The following RASSF6 variants were observed in gnomAD, a reference collection of about 807,000 sequenced individuals.
RASSF6 encodes the protein Ras association domain family member 6, also known as ras association domain-containing protein 6.
RASSF6 carries 52 observed loss-of-function variants against 44.0 expected under a neutral mutation model. The ratio of observed to expected loss-of-function variants is 1.18; its 90% confidence interval spans 0.95 to 1.49. The LOEUF is 1.49. Ranked by LOEUF, RASSF6 falls within the 40% of genes most tolerant of loss-of-function variation. The pLI is 0.00. For synonymous variants in RASSF6, 162 were observed against 124.6 expected, an observed-to-expected ratio of 1.30 and a Z score of -2.00; for missense variants, 464 against 393.3, an observed-to-expected ratio of 1.18 and a Z score of -1.52.
At chr4:73,610,863 G>A (rs1725961827) in intron 2 of RASSF6, among the ~76,000 whole-genome samples, 1 of 152,056 alleles carries the variant, frequency 6.6e-6, no homozygotes, top group Non-Finnish European at 1.5e-5. Flanking sequence ...GAATGCTCAG[G>A]GTCCAAAAAT....
At chr4:73,580,135 T>C (rs1578018106) in intron 8 of RASSF6, among the ~76,000 whole-genome samples, 2 of 151,194 alleles carry the variant, frequency 1.3e-5, no homozygotes, top group South Asian at 2.1e-4. Context: ...TGGTTTTTTG[T>C]TCTTGCGATA....
chr4:73,593,548 A>T lies in RASSF6; in HGVS notation c.190T>A (p.Trp64Arg). The T allele has an allele frequency of 6.2e-7, 1 of 1,613,834 alleles. No homozygotes were observed. Among genetic ancestry groups the T allele is most frequent in the Non-Finnish European group, 8.5e-7 (1 of 1,179,876 alleles). Residue 64 changes from tryptophan (W) to arginine (R), a missense_variant, in exon 4 of 11, where the codon TGG (tryptophan) becomes AGG (arginine). Physicochemically the swap from Trp to Arg is moderately radical, Grantham distance 101. Coordinates refer to ENST00000307439, the MANE Select transcript of RASSF6 (RefSeq NM_177532.5). ...LIVEGMLDIF[W>R]GVKRPIQLKI... ...AGCTGTATAGGTCGTTTTACTCCCC[A>T]GAAAATGTCCAGCATTCCTTCAACA...
At position 73,580,435 on chromosome 4, in the gene RASSF6, G is replaced by A. The variant is rs1391568567; in HGVS notation, c.721+1382C>T. ...ATGGTATTTCTAGTTCTAGATCCCT[G>A]AGGAATCGCCACACTGACTTCCACA... On this transcript the variant is annotated intron_variant, in intron 8 of 10. Transcript: ENST00000307439. 2.7e-5 allele frequency among the ~76,000 whole-genome samples: 4 copies of A among 150,392 alleles called. No individual in the cohort carries two copies. In the East Asian group the frequency reaches 8.0e-4, roughly 30 times the overall value.
intron 4 of RASSF6, among the ~76,000 whole-genome samples, chr4:73,589,939 T>A (rs1018317117): frequency 1.3e-5 from 2 of 152,142 alleles, no homozygotes; most frequent in Admixed American, 1.3e-4. Context: ...CTGACGTTAT[T>A]CAAATGTACA....
At chr4:73,620,471 A>C, upstream of RASSF6, 1 of 1,546,922 alleles carries the variant, frequency 6.5e-7, no homozygotes, top group South Asian at 1.2e-5. Context: ...GCGCGGGCGC[A>C]GGGGCGGCGC....
Position 73,587,903 on chromosome 4 carries a change from A to T in RASSF6, c.319T>A (p.Tyr107Asn). ...MTRWGEFDDL[Y>N]RISELDRTQI... ...GTCCTGTCCAGCTCACTAATACGAT[A>T]GAGATCGTCAAATTCCCCCCAGCGT... is the stretch of plus-strand genomic sequence containing the variant. The change falls in exon 5 of 11, where the codon TAT becomes AAT. Residue 107 changes from tyrosine to asparagine, a missense_variant. By Grantham distance (143) the Tyr-to-Asn change is moderately radical (BLOSUM62 -2). Coordinates refer to ENST00000307439, the MANE Select transcript of RASSF6 (RefSeq NM_177532.5). The T allele has an allele frequency of 1.2e-6, 2 of 1,609,986 alleles. No individual in the cohort carries two copies. Among genetic ancestry groups the T allele is most frequent in the Non-Finnish European group, 1.7e-6 (2 of 1,177,044 alleles).
chr4:73,585,228 T>C lies in RASSF6; in HGVS notation c.519A>G (p.Glu173=). 6.2e-7 allele frequency: 1 copy of C among 1,612,264 alleles called. No homozygotes were observed. The highest frequency in any genetic ancestry group is 1.1e-5 in the South Asian group (1 of 90,738). ...RMKPLMMDRK[E]RQKNRASING... is the part of the protein sequence containing the mutation. ...TAATAGAGGCTCTATTTTTCTGTCT[T>C]TCTTTTCTGTCCATCATCAGAGGCT... Residue 173 remains glutamate (E), a synonymous_variant, in exon 6 of 11, where the codon GAA becomes GAG. Coordinates refer to ENST00000307439, the MANE Select transcript of RASSF6 (RefSeq NM_177532.5).
intron 3 of RASSF6, among the ~76,000 whole-genome samples, chr4:73,595,032 T>G (rs1724834125): frequency 6.6e-6 from 1 of 152,212 alleles, no homozygotes; most frequent in Non-Finnish European, 1.5e-5. Flanking sequence ...ATCCAAGGAC[T>G]GCCCCTTTTA....
chr4:73,586,928 A>G (rs1242150523), intron 5 of RASSF6, among the ~76,000 whole-genome samples: 1 of 150,914 alleles, frequency 6.6e-6, no homozygotes, highest in Non-Finnish European at 1.5e-5. Flanking sequence ...AAAAAAAGAG[A>G]ACAAACATTG....
At chr4:73,617,908 G>A (rs1009507555) in intron 1 of RASSF6, among the ~76,000 whole-genome samples, 3 of 152,146 alleles carry the variant, frequency 2.0e-5, no homozygotes, top group African/African-American at 4.8e-5. Flanking sequence ...TTTATATGAA[G>A]CCCATGTAAC....
Position 73,576,479 on chromosome 4 carries a change from G to C in RASSF6, c.869C>G (p.Ser290Cys), listed in dbSNP as rs755448105. The C allele has an allele frequency of 6.3e-7, 1 of 1,579,810 alleles. No individual in the cohort carries two copies. Among genetic ancestry groups the C allele is most frequent in the Admixed American group, 1.8e-5 (1 of 56,502 alleles). ...DVAQYINFHF[S>C]LLESILQRLN... is the part of the protein sequence containing the mutation. ...TCTTTGAAGAATGGATTCCAAGAGA[G>C]AAAAGTGAAAGTTAATGTACTGAGC... Residue 290 changes from serine to cysteine, a missense_variant, in exon 10 of 11, where the codon TCT (serine) becomes TGT (cysteine). Coordinates refer to ENST00000307439, the MANE Select transcript of RASSF6 (RefSeq NM_177532.5).
intron 4 of RASSF6, among the ~76,000 whole-genome samples, chr4:73,590,050 A>G (rs906811096): frequency 3.3e-5 from 5 of 152,244 alleles, no homozygotes; most frequent in African/African-American, 1.2e-4. Context: ...GAAAAATAGC[A>G]TAAGCAAACA....
intron 3 of RASSF6, among the ~76,000 whole-genome samples, 199 bp from the exon 4 acceptor site, chr4:73,593,792 T>C (rs775221947): frequency 6.6e-6 from 1 of 152,252 alleles, no homozygotes; most frequent in Non-Finnish European, 1.5e-5. Context: ...AAAACAGCTA[T>C]ACCCAGCAAA....
At chr4:73,606,871 C>T (rs1379260802) in intron 2 of RASSF6, among the ~76,000 whole-genome samples, 2 of 152,100 alleles carry the variant, frequency 1.3e-5, no homozygotes, top group African/African-American at 2.4e-5. Flanking sequence ...TTTATTGTAG[C>T]GATATGCCTT....
chr4:73,582,375 C>CA (rs889083838), intron 6 of RASSF6, 85 bp from the exon 7 acceptor site: 42 of 557,014 alleles, frequency 7.5e-5, no homozygotes, highest in Admixed American at 1.4e-4. Flanking sequence ...TCTTATAGGG[C>CA]AAAAAAAATC....
chr4:73,583,520 G>T (rs1723835094), intron 6 of RASSF6, among the ~76,000 whole-genome samples: 1 of 151,934 alleles, frequency 6.6e-6, no homozygotes, highest in Non-Finnish European at 1.5e-5. Flanking sequence ...CATTAACAAG[G>T]GGCTTCATAG....
At chr4:73,618,474 A>C (rs1726510766) in intron 1 of RASSF6, among the ~76,000 whole-genome samples, 1 of 152,152 alleles carries the variant, frequency 6.6e-6, no homozygotes, top group South Asian at 2.1e-4. Context: ...AAGGCAAATA[A>C]CTTTGTTTAA....
At chr4:73,591,962 G>A (rs1578037590) in intron 4 of RASSF6, among the ~76,000 whole-genome samples, 1 of 151,542 alleles carries the variant, frequency 6.6e-6, no homozygotes, top group Non-Finnish European at 1.5e-5. Context: ...TTGACTGCAT[G>A]TGTGTCAAGT....
chr4:73,609,792 C>T (rs62312138), intron 2 of RASSF6, among the ~76,000 whole-genome samples: 1,535 of 152,214 alleles, frequency 0.01, 13 homozygotes, highest in Non-Finnish European at 0.016. Flanking sequence ...TGGTCAGTGG[C>T]ATTGTTATAA....
Sources: allele counts gnomAD v4.1 joint callset (sites outside exome capture counted in the v4.1 genomes callset), GRCh38; gene constraint gnomAD v4.1.1; transcripts MANE v1.5; gene names NCBI Gene and HGNC (gene_info 2026-07-23, HGNC 2026-07-21).